The following DAB1 variants were observed in gnomAD, a reference collection of about 807,000 sequenced individuals.
The protein encoded by DAB1 is disabled homolog 1.
Under a neutral mutation model 64.6 loss-of-function variants are expected in DAB1, and 15 were observed. The ratio of observed to expected loss-of-function variants is 0.23; its 90% CI spans 0.16 to 0.36. DAB1 has a LOEUF of 0.36. DAB1 is among the 10% of genes least tolerant of loss of function. The pLI, the probability that DAB1 is intolerant of heterozygous loss-of-function variation, is 1.00. For synonymous variants in DAB1, 235 were observed against 251.9 expected (o/e 0.93, Z 0.64); for missense variants, 596 against 706.7 (o/e 0.84, Z 1.78).
At chr1:57,008,163 C>T (rs1646147039) in intron 14 of DAB1, among the ~76,000 whole-genome samples, 1 of 152,176 alleles carries the variant, frequency 6.6e-6, no homozygotes, top group Non-Finnish European at 1.5e-5. Context: ...CTAAGACAGC[C>T]CATTTTTTGG....
intron 1 of DAB1, among the ~76,000 whole-genome samples, chr1:58,544,781 A>T (rs1021893923): frequency 9.9e-5 from 15 of 152,152 alleles, no homozygotes; most frequent in Admixed American, 6.5e-4. Context: ...TTTAGTAGAG[A>T]CGGGGTTTCG....
chr1:57,694,854 A>C (rs1266987625), intron 6 of DAB1, among the ~76,000 whole-genome samples: 1 of 152,114 alleles, frequency 6.6e-6, no homozygotes, highest in African/African-American at 2.4e-5. Flanking sequence ...CAAATGCTAC[A>C]CATCACATTA....
chr1:57,823,784 A>C (rs1302613553), downstream of DAB1, among the ~76,000 whole-genome samples: 2 of 152,158 alleles, frequency 1.3e-5, no homozygotes, highest in Non-Finnish European at 2.9e-5. Context: ...GGCATATGTC[A>C]TCTAATAGAA....
At chr1:58,416,860 C>A (rs1269505332) in intron 3 of DAB1, among the ~76,000 whole-genome samples, 1 of 151,918 alleles carries the variant, frequency 6.6e-6, no homozygotes, top group African/African-American at 2.4e-5. Flanking sequence ...ATGTAGCATG[C>A]AAATTGAAAC....
intron 5 of DAB1, among the ~76,000 whole-genome samples, chr1:58,018,740 T>C (rs1463186498): frequency 1.3e-5 from 2 of 152,216 alleles, no homozygotes; most frequent in African/African-American, 2.4e-5. Flanking sequence ...TGTTTCCTAA[T>C]CCACACTGAC....
rs1030584081 is a variant in DAB1, at chr1:57,719,864, A to T, written n.552-70199T>A. 5.9e-5 allele frequency among the ~76,000 whole-genome samples: 9 copies of T among 152,364 alleles called. 1 individual carries two copies. Among genetic ancestry groups the T allele is most frequent in the Admixed American group, 5.2e-4 (8 of 15,306 alleles). On this transcript the variant is annotated intron_variant and non_coding_transcript_variant, in intron 6 of 20. Coordinates refer to the DAB1 transcript ENST00000485760. Reference sequence around the variant, plus strand: ...GATTTGAAGGAAACTAAGAAAGCAGAATTAGTTGAGTATTTCTTAAAGACT... The same window carrying T: ...GATTTGAAGGAAACTAAGAAAGCAGTATTAGTTGAGTATTTCTTAAAGACT...
intron 3 of DAB1, among the ~76,000 whole-genome samples, chr1:58,432,674 G>A (rs1039708201): frequency 6.6e-6 from 1 of 152,104 alleles, no homozygotes; most frequent in Non-Finnish European, 1.5e-5. Flanking sequence ...CTAAAGACCA[G>A]GACCACCTCG....
intron 4 of DAB1, among the ~76,000 whole-genome samples, chr1:57,094,744 T>TA (rs1654002899): frequency 6.6e-6 from 1 of 152,234 alleles, no homozygotes; most frequent in Non-Finnish European, 1.5e-5. Context: ...ATCACTGTCC[T>TA]ATGCTCAATT....
At chr1:58,312,547 A>C (rs1014361706) in intron 4 of DAB1, among the ~76,000 whole-genome samples, 2 of 152,202 alleles carry the variant, frequency 1.3e-5, no homozygotes, top group African/African-American at 4.8e-5. Context: ...GATGCATCCG[A>C]AACATTCTGG....
chr1:57,195,630 C>T (rs1046246338), intron 2 of DAB1, among the ~76,000 whole-genome samples: 1 of 152,234 alleles, frequency 6.6e-6, no homozygotes, highest in Non-Finnish European at 1.5e-5. Flanking sequence ...TAAATTGCTT[C>T]CAGACACTAG....
intron 4 of DAB1, among the ~76,000 whole-genome samples, chr1:58,260,098 C>T (rs2100416313): frequency 6.6e-6 from 1 of 152,222 alleles, no homozygotes; most frequent in Admixed American, 6.5e-5. Flanking sequence ...CTCCAAAATC[C>T]ACATGGCATT....
At chr1:58,439,830 C>G (rs706432) in intron 3 of DAB1, among the ~76,000 whole-genome samples, 113,975 of 152,076 alleles carry the variant, frequency 0.75, 42,953 homozygotes, top group South Asian at 0.83. Flanking sequence ...GTGATTAGAC[C>G]ATCACTATCA....
At chr1:58,093,849 C>T (rs933098111) in intron 5 of DAB1, among the ~76,000 whole-genome samples, 4 of 152,158 alleles carry the variant, frequency 2.6e-5, no homozygotes, top group Admixed American at 6.5e-5. Flanking sequence ...GAGAAGACTA[C>T]GGAGCACTGG....
At chr1:57,748,975 T>C (rs113326350) in intron 6 of DAB1, among the ~76,000 whole-genome samples, 2,008 of 152,294 alleles carry the variant, frequency 0.013, 39 homozygotes, top group African/African-American at 0.045. Context: ...TTTTGGGAAA[T>C]GGCTTTCAGC....
intron 1 of DAB1, among the ~76,000 whole-genome samples, chr1:57,297,219 C>T (rs772381280): frequency 6.6e-6 from 1 of 151,992 alleles, no homozygotes; most frequent in Non-Finnish European, 1.5e-5. Context: ...GCCAAAATAA[C>T]AATTAAATGC....
At chr1:58,486,991 T>G (rs1042248703) in intron 3 of DAB1, among the ~76,000 whole-genome samples, 1 of 152,210 alleles carries the variant, frequency 6.6e-6, no homozygotes, top group Non-Finnish European at 1.5e-5. Flanking sequence ...TATTCTAAGT[T>G]AGATGAGAAG....
intron 2 of DAB1, among the ~76,000 whole-genome samples, chr1:57,179,190 C>T (rs1008570394): frequency 2.0e-5 from 3 of 152,168 alleles, no homozygotes; most frequent in Admixed American, 1.3e-4. Context: ...AAGAGGTCTA[C>T]ACACCCTATT....
At chr1:58,478,675 T>C (rs1465021275) in intron 3 of DAB1, among the ~76,000 whole-genome samples, 1 of 152,214 alleles carries the variant, frequency 6.6e-6, no homozygotes, top group Non-Finnish European at 1.5e-5. Context: ...ATGCCTATAA[T>C]GTGCAAAGCA....
At chr1:57,184,288 A>G (rs535948672) in intron 2 of DAB1, among the ~76,000 whole-genome samples, 12 of 152,212 alleles carry the variant, frequency 7.9e-5, no homozygotes, top group Non-Finnish European at 1.3e-4. Context: ...GTCAAAGTGT[A>G]TAATACATTT....
Sources: gnomAD v4.1 joint callset for allele counts (sites outside exome capture counted in the v4.1 genomes callset) on GRCh38, gnomAD v4.1.1 for gene constraint, MANE v1.5 for transcripts, NCBI Gene and HGNC (gene_info 2026-07-23, HGNC 2026-07-21) for gene names.